The following ADAMTS17 variants were observed in gnomAD, a reference collection of about 807,000 sequenced individuals.
ADAMTS17 encodes ADAM metallopeptidase with thrombospondin type 1 motif 17.
Under a neutral mutation model 141.5 loss-of-function variants are expected in ADAMTS17, and 113 were observed. The ratio of observed to expected loss-of-function variants is 0.80; its 90% CI spans 0.69 to 0.93. The LOEUF (loss-of-function observed/expected upper bound fraction) is 0.93. Among genes scored for constraint, ADAMTS17 ranks in the 40% least tolerant of loss-of-function variants. The pLI is 0.00. For synonymous variants in ADAMTS17, 768 were observed against 630.6 expected (o/e 1.22, Z -3.27); for missense variants, 1,659 against 1,517.9 (o/e 1.09, Z -1.54).
intron 4 of ADAMTS17, among the ~76,000 whole-genome samples, chr15:100,272,767 G>C (rs1362987518): frequency 6.6e-6 from 1 of 150,982 alleles, no homozygotes; most frequent in Non-Finnish European, 1.5e-5. Context: ...CTCTTGCCTT[G>C]TTCCAGATTT....
At chr15:100,320,344 G>C (rs568023242) in intron 3 of ADAMTS17, among the ~76,000 whole-genome samples, 1 of 152,294 alleles carries the variant, frequency 6.6e-6, no homozygotes, top group Admixed American at 6.5e-5. Flanking sequence ...AATAAACATG[G>C]GAAGTCCACG....
intron 3 of ADAMTS17, among the ~76,000 whole-genome samples, chr15:100,300,562 C>T (rs1328598514): frequency 2.0e-5 from 3 of 152,330 alleles, no homozygotes; most frequent in East Asian, 1.9e-4. Context: ...AGTGCTTCCA[C>T]GTGCAAAGGA....
chr15:100,262,560 G>C, intron 4 of ADAMTS17, 125 bp from the exon 5 acceptor site: 1 of 721,138 alleles, frequency 1.4e-6, no homozygotes, highest in African/African-American at 1.8e-5. Flanking sequence ...TAGAAATAAA[G>C]CGTAGACTTT....
intron 8 of ADAMTS17, among the ~76,000 whole-genome samples, chr15:100,167,902 T>C (rs369141845): frequency 9.9e-5 from 15 of 152,216 alleles, no homozygotes; most frequent in African/African-American, 3.6e-4. Flanking sequence ...ACGTGATGAA[T>C]GTCACAGGGC....
At chr15:100,118,860 C>T (rs2037301973) in intron 12 of ADAMTS17, among the ~76,000 whole-genome samples, 1 of 152,134 alleles carries the variant, frequency 6.6e-6, no homozygotes, top group Admixed American at 6.5e-5. Flanking sequence ...ACGTTTCAAG[C>T]TGAACTGGGC....
chr15:100,239,910 C>T (rs1374618759), intron 7 of ADAMTS17, among the ~76,000 whole-genome samples: 1 of 152,198 alleles, frequency 6.6e-6, no homozygotes, highest in Non-Finnish European at 1.5e-5. Context: ...ACCCTCCACC[C>T]TCAGCCAGTG....
intron 7 of ADAMTS17, among the ~76,000 whole-genome samples, chr15:100,203,943 AG>A (rs1442481294): frequency 6.6e-6 from 1 of 151,678 alleles, no homozygotes; most frequent in African/African-American, 2.4e-5. Flanking sequence ...TGACACCTGG[AG>A]AAGCTCATTT....
intron 18 of ADAMTS17, among the ~76,000 whole-genome samples, chr15:100,006,985 G>T (rs1448511625): frequency 6.6e-6 from 1 of 152,198 alleles, no homozygotes; most frequent in Non-Finnish European, 1.5e-5. Flanking sequence ...TCCCAGATAC[G>T]TGAGTGTCAA....
chr15:100,036,364 C>T (rs887260366), intron 18 of ADAMTS17, among the ~76,000 whole-genome samples: 5 of 152,332 alleles, frequency 3.3e-5, no homozygotes, highest in African/African-American at 1.2e-4. Context: ...AGAGAAGCAG[C>T]CCAGCATGAT....
chr15:100,029,012 G>A (rs1357295274), intron 18 of ADAMTS17, among the ~76,000 whole-genome samples: 10 of 152,310 alleles, frequency 6.6e-5, no homozygotes, highest in African/African-American at 2.2e-4. Context: ...CTCGCTGTCT[G>A]GCCCGAGCTG....
intron 7 of ADAMTS17, among the ~76,000 whole-genome samples, chr15:100,227,607 G>T (rs2042350907): frequency 6.6e-6 from 1 of 152,202 alleles, no homozygotes; most frequent in Admixed American, 6.5e-5. Flanking sequence ...TGGTCCTCCT[G>T]GCCTTTCCCT....
At chr15:100,003,321 G>T (rs961569071) in intron 18 of ADAMTS17, among the ~76,000 whole-genome samples, 2 of 152,060 alleles carry the variant, frequency 1.3e-5, no homozygotes, top group African/African-American at 4.8e-5. Flanking sequence ...ATAACCAGCC[G>T]GATCAGCAGT....
At chr15:100,223,683 A>G (rs775538391) in intron 7 of ADAMTS17, among the ~76,000 whole-genome samples, 2 of 150,422 alleles carry the variant, frequency 1.3e-5, no homozygotes, top group African/African-American at 2.5e-5. Context: ...ACACACACAT[A>G]TATGTGTATA....
At position 100,017,791 on chromosome 15, in the gene ADAMTS17, T is replaced by C. The variant is rs111351175; in HGVS notation, c.2592-20202A>G. Among the ~76,000 whole-genome samples the C allele has an allele frequency of 1.3e-3, 198 of 152,336 alleles. 4 individuals are homozygous for C. Among genetic ancestry groups the C allele is most frequent in the African/African-American group, 4.4e-3 (184 of 41,564 alleles). On this transcript the variant is annotated intron_variant, in intron 18 of 21. Coordinates refer to ENST00000268070, the MANE Select transcript of ADAMTS17 (RefSeq NM_139057.4). The stretch of plus-strand genomic sequence containing the variant: ...TCCTCTTGGGGTTGCTGGCTTGTTC[T>C]TGCAGGTTCTAGATTATCACCATCA...
At position 100,338,874 on chromosome 15, in the gene ADAMTS17, T is replaced by C. The variant is rs565163566; in HGVS notation, c.450+2165A>G. On this transcript the variant is annotated intron_variant, in intron 2 of 21. Coordinates refer to ENST00000268070, the MANE Select transcript of ADAMTS17 (RefSeq NM_139057.4). ...AACCAAAGTCAAAGCTAGTCTGCAA[T>C]GCAAACTTGGTTAGCCCAAATTCCT... 1.5e-5 allele frequency: 13 copies of C among 870,960 alleles called. No individual in the cohort carries two copies. The East Asian group carries it at 1.3e-3, about 89-fold the overall frequency. The allele number at this position is 870,960 out of a possible 1,614,324, so 54.0% of individuals were successfully genotyped here.
intron 3 of ADAMTS17, among the ~76,000 whole-genome samples, chr15:100,325,013 T>A (rs1253994466): frequency 6.6e-6 from 1 of 152,202 alleles, no homozygotes; most frequent in African/African-American, 2.4e-5. Context: ...TGGTGTCTAT[T>A]GTTACAGACA....
chr15:100,100,282 G>T (rs978823948), intron 14 of ADAMTS17, among the ~76,000 whole-genome samples: 28 of 152,304 alleles, frequency 1.8e-4, no homozygotes, highest in Non-Finnish European at 4.1e-4. Flanking sequence ...TCGACTCCGT[G>T]AAAGTGGGTA....
At chr15:100,305,178 G>C (rs1596484247) in intron 3 of ADAMTS17, among the ~76,000 whole-genome samples, 1 of 151,414 alleles carries the variant, frequency 6.6e-6, no homozygotes, top group Non-Finnish European at 1.5e-5. Flanking sequence ...TTGTTCAAAG[G>C]TCAACTATAG....
intron 7 of ADAMTS17, among the ~76,000 whole-genome samples, chr15:100,207,167 T>C (rs1330967654): frequency 3.9e-5 from 6 of 152,070 alleles, no homozygotes; most frequent in South Asian, 2.1e-4. Flanking sequence ...TCTGGGTCCT[T>C]ATAAAAAGAA....
Sources: gnomAD v4.1 joint callset for allele counts (sites outside exome capture counted in the v4.1 genomes callset) on GRCh38, gnomAD v4.1.1 for gene constraint, MANE v1.5 for transcripts, NCBI Gene and HGNC (gene_info 2026-07-23, HGNC 2026-07-21) for gene names.